Variants in USP16 observed in about 807,000 individuals in gnomAD.
USP16 encodes ubiquitin specific peptidase 16, also known as ubiquitin carboxyl-terminal hydrolase 16.
USP16 carries 77 observed loss-of-function variants against 95.9 expected under a neutral mutation model. The ratio of observed to expected loss-of-function variants is 0.80; its 90% CI spans 0.67 to 0.97. The LOEUF (loss-of-function observed/expected upper bound fraction) is 0.97, where lower values mean the gene tolerates loss of function less well. USP16 is among the 50% of genes least tolerant of loss of function. The pLI is 0.00. For missense variants in USP16, 943 were observed against 959.9 expected, an observed-to-expected ratio of 0.98 and a Z score of 0.23; for synonymous variants, 303 against 318.2, an observed-to-expected ratio of 0.95 and a Z score of 0.51.
Position 29,024,753 on chromosome 21 carries a change from G to A in USP16, c.-66G>A, listed in dbSNP as rs2084959359. 7.8e-7 allele frequency: 1 copy of A among 1,288,804 alleles called. No homozygotes were observed. The highest frequency in any genetic ancestry group is 2.3e-5 in the Admixed American group (1 of 43,460). The allele number at this position is 1,288,804 out of a possible 1,614,324, so 79.8% of individuals were successfully genotyped here. A position where few individuals can be genotyped will look rare whatever the true frequency, so the allele number is the denominator to read the frequency against. On this transcript the variant is annotated 5_prime_UTR_variant, in exon 1 of 18. It removes an upstream start codon present in the reference 5' UTR. Transcript: ENST00000399976. Reference sequence around the variant, plus strand: ...CCAGCCCAAAGGCCCATGAGGGGATGCAGTTATGGGCTCTGTCGCCGTGGG... The same window carrying A: ...CCAGCCCAAAGGCCCATGAGGGGATACAGTTATGGGCTCTGTCGCCGTGGG...
intron 2 of USP16, 110 bp downstream of exon 2, chr21:29,028,084 TATA>T (rs2146357345): frequency 4.8e-6 from 4 of 838,662 alleles, no homozygotes; most frequent in Non-Finnish European, 7.4e-6. Context: ...TGCATTTTAA[TATA>T]ATGTTTGTAT....
rs748366395 is a variant in USP16 at position 29,043,485 on chromosome 21, TAGTG to T, written c.1245_1248del (p.Ser415ArgfsTer10). On this transcript the variant is annotated frameshift_variant, in exon 13 of 18. Transcript: ENST00000399976. LOFTEE classifies it high-confidence loss of function. ...AGACAGTGGAGGATGAAGATCAAGA[TAGTG>T]AGGAAGAAAAAGATAACGACAGTTA... 5.6e-6 allele frequency: 9 copies of T among 1,596,816 alleles called. No individual in the cohort carries two copies. The highest frequency in any genetic ancestry group is 1.3e-5 in the African/African-American group (1 of 74,104).
At chr21:29,024,884 C>G (rs1216472790) in intron 1 of USP16, 107 bp downstream of exon 1, 1 of 1,119,696 alleles carries the variant, frequency 8.9e-7, no homozygotes, top group South Asian at 1.6e-5. Context: ...AGGCCGCTCT[C>G]CTTAAGCACG....
chr21:29,030,498 T>G, intron 2 of USP16, 97 bp from the exon 3 acceptor site: 1 of 1,144,620 alleles, frequency 8.7e-7, no homozygotes, highest in Admixed American at 3.4e-5. Context: ...AGAGTAAATT[T>G]CATTTTTGAA....
At chr21:29,050,024 A>C in intron 15 of USP16, 68 bp from the exon 16 acceptor site, 2 of 1,386,004 alleles carry the variant, frequency 1.4e-6, no homozygotes, top group Admixed American at 2.1e-5. Context: ...GTCGGAGGGG[A>C]CTTCGGTTTA....
chr21:29,036,983 T>C (rs907881275), intron 5 of USP16, among the ~76,000 whole-genome samples: 2 of 152,250 alleles, frequency 1.3e-5, no homozygotes, highest in African/African-American at 4.8e-5. Context: ...ATGTGTTCAT[T>C]TGTAAAGAAT....
Position 29,050,194 on chromosome 21 carries a change from CT to C in USP16, c.2193+21del. ...TAAATGTAAGGTAAGTCAAAGTGGTCTTTTTCAGGAAAGTCCTTTAAAGTCA... is the reference window on the plus strand; with the variant it reads ...TAAATGTAAGGTAAGTCAAAGTGGTCTTTTCAGGAAAGTCCTTTAAAGTCA... On this transcript the variant is annotated intron_variant, in intron 16 of 17. Transcript: ENST00000399976. 6.2e-7 allele frequency: 1 copy of C among 1,609,062 alleles called. No individual in the cohort carries two copies. The highest frequency in any genetic ancestry group is 8.5e-7 in the Non-Finnish European group (1 of 1,178,334).
Position 29,039,644 on chromosome 21 carries a change from T to TA in USP16, c.951+80dup. On this transcript the variant is annotated intron_variant, in intron 9 of 17. Transcript: ENST00000399976. ...CTGTCTCATTTGATATCTTACGAGT[T>TA]AAAACAATGAAAGCTAGTTATTAAG... is the stretch of plus-strand genomic sequence containing the variant. 2.1e-6 allele frequency: 3 copies of TA among 1,395,772 alleles called. No homozygotes were observed. The East Asian group carries it at 7.5e-5, about 35-fold the overall frequency. The allele number at this position is 1,395,772 out of a possible 1,614,324, so 86.5% of individuals were successfully genotyped here.
intron 3 of USP16, among the ~76,000 whole-genome samples, chr21:29,031,694 C>T (rs2085079297): frequency 6.6e-6 from 1 of 152,198 alleles, no homozygotes; most frequent in Non-Finnish European, 1.5e-5. Context: ...CACCTTGGCT[C>T]CCTCAAAGTG....
Position 29,039,032 on chromosome 21 carries a change from T to C in USP16, c.739T>C (p.Leu247=). The change falls in exon 8 of 18, where the codon TTA becomes CTA. Residue 247 remains leucine (L), a synonymous_variant. Coordinates refer to ENST00000399976, the MANE Select transcript of USP16 (RefSeq NM_006447.3). Reference sequence around the variant, plus strand: ...TTTCTTTTCCCATATTCAGGAACCATTAGAAATAAACCTTGAGCCTCCAGG... The same window carrying C: ...TTTCTTTTCCCATATTCAGGAACCACTAGAAATAAACCTTGAGCCTCCAGG... ...EPPDLALTEP[L]EINLEPPGPL... 6.5e-7 allele frequency: 1 copy of C among 1,531,862 alleles called. No homozygotes were observed. Among genetic ancestry groups the C allele is most frequent in the Non-Finnish European group, 8.8e-7 (1 of 1,140,472 alleles). 94.9% of individuals were successfully genotyped at this position (1,531,862 alleles called of 1,614,324 possible). A position where few individuals can be genotyped will look rare whatever the true frequency, so the allele number is the denominator to read the frequency against.
chr21:29,036,052 C>T (rs1013449560), intron 4 of USP16, among the ~76,000 whole-genome samples: 2 of 152,182 alleles, frequency 1.3e-5, no homozygotes, highest in African/African-American at 2.4e-5. Flanking sequence ...TGGAGTATTT[C>T]ATCATACTAC....
Position 29,050,055 on chromosome 21 carries a change from C to T in USP16, c.2107-37C>T, listed in dbSNP as rs556830516. The T allele has an allele frequency of 3.2e-6, 5 of 1,580,540 alleles. No individual in the cohort carries two copies. The South Asian group carries it at 4.6e-5, about 15-fold the overall frequency. On this transcript the variant is annotated intron_variant, in intron 15 of 17. Transcript: ENST00000399976. ...GTTTACTTAACCTGTATTGCTTTTC[C>T]AAGAAAAGAAGTCAATCTGTTATGC...
At chr21:29,043,933 GTT>G (rs796782997) in intron 13 of USP16, among the ~76,000 whole-genome samples, 10 of 148,596 alleles carry the variant, frequency 6.7e-5, no homozygotes, top group African/African-American at 2.2e-4. Flanking sequence ...TCCCACCACT[GTT>G]TTTTTTTTCC....
intron 1 of USP16, chr21:29,025,570 C>A: frequency 6.1e-6 from 1 of 164,546 alleles, no homozygotes; most frequent in Non-Finnish European, 1.3e-5. Context: ...TGTCCTCTGC[C>A]TGCAGTAATT....
At position 29,040,577 on chromosome 21, in the gene USP16, T is replaced by C. The variant is rs779783851; in HGVS notation, c.952-32T>C. The C allele has an allele frequency of 5.3e-6, 5 of 937,946 alleles. No homozygotes were observed. The South Asian group carries it at 1.4e-4, about 26-fold the overall frequency. 58.1% of individuals were successfully genotyped at this position (937,946 alleles called of 1,614,324 possible). On this transcript the variant is annotated intron_variant, in intron 9 of 17. Coordinates refer to ENST00000399976, the MANE Select transcript of USP16 (RefSeq NM_006447.3). Reference sequence around the variant, plus strand: ...AAGGAAAATAAAATTTAAAATTTAATAGTATATATATATCCATTTTATTAC... The same window carrying C: ...AAGGAAAATAAAATTTAAAATTTAACAGTATATATATATCCATTTTATTAC...
At chr21:29,038,949 G>T in intron 7 of USP16, 77 bp from the exon 8 acceptor site, 1 of 1,363,064 alleles carries the variant, frequency 7.3e-7, no homozygotes, top group Non-Finnish European at 9.6e-7. Flanking sequence ...GGTAGTATAT[G>T]TTAACTAATT....
rs756407259 is a variant in USP16, at chr21:29,047,033, GGTT to G, written c.1724_1726del (p.Gly575_Phe576delinsVal). On this transcript the variant is annotated inframe_deletion, in exon 14 of 18. Coordinates refer to ENST00000399976, the MANE Select transcript of USP16 (RefSeq NM_006447.3). Reference sequence around the variant, plus strand: ...CAATGGAGAAGTGGACATTTCCAATGGTTTCAAAAACCTAAATTTGAATGCTGC... The same window carrying G: ...CAATGGAGAAGTGGACATTTCCAATGTCAAAAACCTAAATTTGAATGCTGC... 6.2e-7 allele frequency: 1 copy of G among 1,614,010 alleles called. No individual in the cohort carries two copies. Among genetic ancestry groups the G allele is most frequent in the Non-Finnish European group, 8.5e-7 (1 of 1,180,016 alleles).
chr21:29,029,099 T>C (rs1299254077), intron 2 of USP16, among the ~76,000 whole-genome samples: 1 of 152,184 alleles, frequency 6.6e-6, no homozygotes, highest in African/African-American at 2.4e-5. Flanking sequence ...TAAACATCTG[T>C]GCTGATTTGG....
chr21:29,035,290 G>C (rs2085137085), intron 4 of USP16, among the ~76,000 whole-genome samples: 1 of 151,916 alleles, frequency 6.6e-6, no homozygotes, highest in South Asian at 2.1e-4. Flanking sequence ...TGTCAGTCTG[G>C]TATGTTATAG....
Sources: gnomAD v4.1 joint callset for allele counts (sites outside exome capture counted in the v4.1 genomes callset) on GRCh38, gnomAD v4.1.1 for gene constraint, MANE v1.5 for transcripts, NCBI Gene and HGNC (gene_info 2026-07-23, HGNC 2026-07-21) for gene names.